IWS1: variants seen among roughly 807,000 people sequenced by gnomAD.
IWS1 encodes interacts with SUPT6H, CTD assembly factor 1.
Under a neutral mutation model 86.7 loss-of-function variants are expected in IWS1, and 27 were observed. The observed-to-expected ratio is 0.31, with a 90% CI of 0.23 to 0.43. The LOEUF (loss-of-function observed/expected upper bound fraction) is 0.43. Ranked by LOEUF, IWS1 falls within the 20% of genes least tolerant of loss-of-function variation. IWS1 has a pLI of 1.00. For synonymous variants in IWS1, 313 were observed against 335.1 expected (o/e 0.93, Z 0.72); for missense variants, 827 against 1,000.8 (o/e 0.83, Z 2.34).
chr2:127,525,353 C>G (rs1692343960), intron 1 of IWS1, among the ~76,000 whole-genome samples: 1 of 152,218 alleles, frequency 6.6e-6, no homozygotes, highest in Non-Finnish European at 1.5e-5. Context: ...GAACTCAAAA[C>G]AGTAAAGGGC....
chr2:127,509,640 G>A (rs536785127), intron 2 of IWS1, among the ~76,000 whole-genome samples: 18 of 149,712 alleles, frequency 1.2e-4, no homozygotes, highest in Admixed American at 2.0e-4. Flanking sequence ...CCCAGGAAGC[G>A]GAGGTTGCAG....
At chr2:127,486,151 A>G (rs1689918590) in intron 13 of IWS1, 1 of 176,352 alleles carries the variant, frequency 5.7e-6, no homozygotes, top group African/African-American at 2.4e-5. Flanking sequence ...TTTGCAATGG[A>G]ATTGCTTAAA....
In IWS1 at chr2:127,494,944, T is replaced by A; in HGVS notation, c.1727A>T (p.Gln576Leu). 5 of 1,592,922 alleles carry A rather than the reference T, an allele frequency of 3.1e-6. No individual in the cohort carries two copies. Among genetic ancestry groups the A allele is most frequent in the Non-Finnish European group, 4.3e-6 (5 of 1,167,678 alleles). Residue 576 changes from glutamine to leucine, a missense_variant, in exon 8 of 14, where the codon CAG (glutamine) becomes CTG (leucine). By Grantham distance (113) the Gln-to-Leu change is moderately radical. Coordinates refer to ENST00000295321, the MANE Select transcript of IWS1 (RefSeq NM_017969.3). Reference sequence around the variant, plus strand: ...TGCTGGCTTTTTTTGATTGTTCAACTGTCTGTCTTCCTATTCAGAAAAAAA... The same window carrying A: ...TGCTGGCTTTTTTTGATTGTTCAACAGTCTGTCTTCCTATTCAGAAAAAAA... The part of the protein sequence containing the change: ...KMNEAAEEDR[Q>L]LNNQKKPALK...
chr2:127,489,797 G>C lies in IWS1; in HGVS notation c.2159+35C>G. ...AAAACTGAGTTACTGCAACAATAAC[G>C]TGTATTCCACTTACTCATACCTGTT... On this transcript the variant is annotated intron_variant, in intron 11 of 13. Transcript: ENST00000295321. The surrounding 1 kb of genome is among the most constrained non-coding windows in gnomAD (Gnocchi z 4.8). 3 of 1,116,084 alleles carry C rather than the reference G, an allele frequency of 2.7e-6. No individual in the cohort carries two copies. The highest frequency in any genetic ancestry group is 4.1e-6 in the Non-Finnish European group (3 of 728,058). The allele number at this position is 1,116,084 out of a possible 1,614,324, so 69.1% of individuals were successfully genotyped here.
rs368191170 is a variant in IWS1, at chr2:127,502,930, C to G, written c.1410-58G>C. 5.2e-6 allele frequency: 5 copies of G among 967,412 alleles called. No individual in the cohort carries two copies. The East Asian group carries it at 9.6e-5, about 19-fold the overall frequency. The allele number at this position is 967,412 out of a possible 1,614,324, so 59.9% of individuals were successfully genotyped here. On this transcript the variant is annotated intron_variant, in intron 4 of 13. Transcript: ENST00000295321. ...TGCTTTATCCTCATTTGCATAGGAACCATTTTTTAAAAAATAGAATTTATG... is the reference window on the plus strand; with the variant it reads ...TGCTTTATCCTCATTTGCATAGGAAGCATTTTTTAAAAAATAGAATTTATG...
At chr2:127,484,511 A>G (rs1038902387) in intron 13 of IWS1, 4 of 152,184 alleles carry the variant, frequency 2.6e-5, no homozygotes, top group African/African-American at 9.7e-5. Flanking sequence ...TGAATATGCA[A>G]CCCTGCTCCA....
At position 127,499,266 on chromosome 2, in the gene IWS1, AT is replaced by A. The variant is rs200599924; in HGVS notation, c.1468-1030del. 6.0e-3 allele frequency among the ~76,000 whole-genome samples: 915 copies of A among 151,694 alleles called. 12 individuals are homozygous for A. The highest frequency in any genetic ancestry group is 0.021 in the African/African-American group (880 of 41,352). ...CCACCATGCCCAGCTAATTTTTCGT[AT>A]TTTTAGTAGAGATGGGGTTTCACCA... On this transcript the variant is annotated intron_variant, in intron 5 of 13. Coordinates refer to ENST00000295321, the MANE Select transcript of IWS1 (RefSeq NM_017969.3). The surrounding 1 kb of genome is among the most constrained non-coding windows in gnomAD (Gnocchi z 4.0).
At chr2:127,483,585 G>GGGGGGGGGGGGGGGGT (rs1689760108) in intron 13 of IWS1, among the ~76,000 whole-genome samples, 4 of 43,268 alleles carry the variant, frequency 9.2e-5, no homozygotes, top group African/African-American at 1.7e-4. Flanking sequence ...GCGGGGGGTG[G>GGGGGGGGGGGGGGGGT]TGGGGTGGGG....
rs1310501080 is a variant in IWS1 at position 127,489,803 on chromosome 2, T to C, written c.2159+29A>G. ...GAGTTACTGCAACAATAACGTGTAT[T>C]CCACTTACTCATACCTGTTCCCTCA... On this transcript the variant is annotated intron_variant, in intron 11 of 13. Transcript: ENST00000295321. This position sits in a 1 kb window ranked among gnomAD's most constrained non-coding sequence, Gnocchi z 4.8. 1 of 1,193,042 alleles carries C rather than the reference T, an allele frequency of 8.4e-7. No homozygotes were observed. Among genetic ancestry groups the C allele is most frequent in the East Asian group, 2.3e-5 (1 of 42,984 alleles). The allele number at this position is 1,193,042 out of a possible 1,614,324, so 73.9% of individuals were successfully genotyped here. A position where few individuals can be genotyped will look rare whatever the true frequency, so the allele number is the denominator to read the frequency against.
rs764887668 is a variant in IWS1, at chr2:127,505,136, G to A, written c.767C>T (p.Pro256Leu). 29 of 1,611,020 alleles carry A rather than the reference G, an allele frequency of 1.8e-5. No homozygotes were observed. Among genetic ancestry groups the A allele is most frequent in the East Asian group, 4.5e-5 (2 of 44,856 alleles). ...RISDSESEDP[P>L]RHQASDSENE... Reference sequence around the variant, plus strand: ...TTCTGAGTCACTGGCCTGGTGCCTCGGAGGGTCCTCACTTTCTGAGTCACT... The same window carrying A: ...TTCTGAGTCACTGGCCTGGTGCCTCAGAGGGTCCTCACTTTCTGAGTCACT... The change falls in exon 3 of 14, where the codon CCG (proline) becomes CTG (leucine). Residue 256 changes from proline (P) to leucine (L), a missense_variant. This residue lies in a region of IWS1 where 548 missense variants were observed against 560.2 expected (regional missense o/e 0.98). Coordinates refer to ENST00000295321, the MANE Select transcript of IWS1 (RefSeq NM_017969.3). This position sits in a 1 kb window ranked among gnomAD's most constrained non-coding sequence, Gnocchi z 5.0.
rs1692413492 is a variant in IWS1 at position 127,526,328 on chromosome 2, A to C, written c.-120T>G. 7 of 1,539,460 alleles carry C rather than the reference A, an allele frequency of 4.5e-6. No homozygotes were observed. Among genetic ancestry groups the C allele is most frequent in the Middle Eastern group, 1.7e-4 (1 of 5,992 alleles). On this transcript the variant is annotated 5_prime_UTR_variant, in exon 1 of 14. Coordinates refer to ENST00000295321, the MANE Select transcript of IWS1 (RefSeq NM_017969.3). ...TCAGAGACTGCCGCCCGACCGGAGA[A>C]CTTAACGGGTGCGGAGGGTAAGAAA...
chr2:127,507,815 C>T (rs1402151741), intron 2 of IWS1, among the ~76,000 whole-genome samples: 1 of 152,178 alleles, frequency 6.6e-6, no homozygotes, highest in Admixed American at 6.5e-5. Flanking sequence ...AAATCTGAAA[C>T]TTCTTGAGCA....
intron 13 of IWS1, chr2:127,484,834 A>G (rs1689841070): frequency 6.6e-6 from 1 of 152,198 alleles, no homozygotes; most frequent in African/African-American, 2.4e-5. Context: ...CGTCTCTACT[A>G]AAAATACAAA....
In IWS1 at chr2:127,483,571, C is replaced by CGGGGG. The variant is rs1419283644; in HGVS notation, c.2329-2397_2329-2396insCCCCC. Among the ~76,000 whole-genome samples, 78 of 20,154 alleles carry CGGGGG rather than the reference C, an allele frequency of 3.9e-3. 4 individuals are homozygous for CGGGGG. The highest frequency in any genetic ancestry group is 9.7e-3 in the African/African-American group (39 of 4,040). 13.2% of individuals were successfully genotyped at this position (20,154 alleles called of 152,430 possible). On this transcript the variant is annotated intron_variant, in intron 13 of 13. Coordinates refer to ENST00000295321, the MANE Select transcript of IWS1 (RefSeq NM_017969.3). ...AAAATAACCAAAATTATAATTTGGT[C>CGGGGG]GGGGCGGGGGGTGGTGGGGTGGGGG...
chr2:127,511,744 T>C (rs1691464502), intron 2 of IWS1, among the ~76,000 whole-genome samples: 1 of 152,004 alleles, frequency 6.6e-6, no homozygotes, highest in Non-Finnish European at 1.5e-5. Context: ...ATAAAATAAA[T>C]GGAAAATAAT....
chr2:127,496,095 C>T lies in IWS1; in HGVS notation c.1619G>A (p.Ser540Asn). 1 of 1,613,988 alleles carries T rather than the reference C, an allele frequency of 6.2e-7. No individual in the cohort carries two copies. Among genetic ancestry groups the T allele is most frequent in the East Asian group, 2.2e-5 (1 of 44,846 alleles). Residue 540 changes from serine to asparagine, a missense_variant, in exon 7 of 14, where the codon AGT becomes AAT. Transcript: ENST00000295321. ...EMMLQRKKSM[S>N]GKRRRNRDGG... ...ATCGCGGTTCCGTCTGCGCTTGCCA[C>T]TCATGCTCTTTTTTCGCTGCAACAT...
chr2:127,512,491 C>G, intron 2 of IWS1, among the ~76,000 whole-genome samples: 1 of 152,224 alleles, frequency 6.6e-6, no homozygotes, highest in East Asian at 1.9e-4. Context: ...CTTAATTATT[C>G]AGCATTACCT....
intron 3 of IWS1, 81 bp downstream of exon 3, chr2:127,504,603 C>G (rs1448817516): frequency 3.0e-6 from 3 of 988,052 alleles, no homozygotes; most frequent in Non-Finnish European, 4.6e-6. Context: ...ATCTGACATA[C>G]CAAGAGGATA....
At chr2:127,495,936 A>C in intron 7 of IWS1, 62 bp downstream of exon 7, 1 of 1,440,516 alleles carries the variant, frequency 6.9e-7, no homozygotes, top group Non-Finnish European at 9.3e-7. Flanking sequence ...GTATCAAAAA[A>C]AGGGCATCCA....
Sources: allele counts gnomAD v4.1 joint callset (sites outside exome capture counted in the v4.1 genomes callset), GRCh38; gene constraint gnomAD v4.1.1; regional missense constraint gnomAD v4.1.1; non-coding constraint Gnocchi (gnomAD v3.1); transcripts MANE v1.5; gene names NCBI Gene and HGNC (gene_info 2026-07-23, HGNC 2026-07-21).